The following KLF8 variants were observed in gnomAD, a reference collection of about 807,000 sequenced individuals.
KLF8 encodes Krueppel-like factor 8.
In KLF8, 10 loss-of-function variants were observed where a neutral mutation model predicts 18.2. That is an observed-to-expected ratio of 0.55 (90% CI 0.34 to 0.93). The LOEUF is 0.93. KLF8 is among the 40% of genes least tolerant of loss of function. The probability of loss-of-function intolerance (pLI) is 0.02; values close to 1 mark genes in which losing one functional copy is unlikely to be tolerated. For synonymous variants in KLF8, 109 were observed against 97.3 expected (o/e 1.12, Z -0.71); for missense variants, 264 against 277.9 (o/e 0.95, Z 0.36).
chrX:56,205,441 A>T, the KLF8 span, among the ~76,000 whole-genome samples: 1 of 111,746 alleles, frequency 8.9e-6, no homozygotes, highest in African/African-American at 3.2e-5. Flanking sequence ...TCTATCCTTC[A>T]TTCTGTTGAT....
chrX:55,945,781 T>G, the KLF8 span, among the ~76,000 whole-genome samples: 6 of 110,751 alleles, frequency 5.4e-5, no homozygotes, highest in East Asian at 1.7e-3. Context: ...GATAAACAAC[T>G]TCAGCAAAGT....
the KLF8 span, among the ~76,000 whole-genome samples, chrX:55,918,300 T>C: frequency 8.9e-6 from 1 of 111,952 alleles, no homozygotes; most frequent in African/African-American, 3.3e-5. Context: ...TCTACCTATC[T>C]TGAGACTTTC....
chrX:56,146,141 G>A, the KLF8 span, among the ~76,000 whole-genome samples: 1 of 111,899 alleles, frequency 8.9e-6, no homozygotes, highest in Non-Finnish European at 1.9e-5. Flanking sequence ...AATCATTTTG[G>A]AAGACAGTGT....
At chrX:55,916,820 T>C in the KLF8 span, among the ~76,000 whole-genome samples, 17 of 112,189 alleles carry the variant, frequency 1.5e-4, no homozygotes, top group African/African-American at 5.5e-4. Flanking sequence ...ACTTCTTGTA[T>C]CAATGATTTT....
At chrX:56,108,360 T>C in the KLF8 span, among the ~76,000 whole-genome samples, 2 of 112,037 alleles carry the variant, frequency 1.8e-5, no homozygotes, top group African/African-American at 6.5e-5. Flanking sequence ...CTTTTATCAT[T>C]CTGAGGAATT....
chrX:55,984,107 T>G, the KLF8 span, among the ~76,000 whole-genome samples: 1 of 109,476 alleles, frequency 9.1e-6, no homozygotes, highest in Admixed American at 9.9e-5. Context: ...TTAAGGAATT[T>G]GGATTTGTTT....
the KLF8 span, among the ~76,000 whole-genome samples, chrX:56,181,290 G>C: frequency 9.1e-6 from 1 of 109,759 alleles, no homozygotes; most frequent in East Asian, 2.8e-4. Context: ...TGCAAGCCCT[G>C]CTTTTTTTTG....
the KLF8 span, among the ~76,000 whole-genome samples, chrX:56,170,055 T>G: frequency 1.8e-5 from 2 of 110,904 alleles, no homozygotes; most frequent in South Asian, 3.8e-4. Context: ...TGGTAATCAA[T>G]AGAATTTTTC....
the KLF8 span, among the ~76,000 whole-genome samples, chrX:56,200,394 T>C: frequency 9.1e-6 from 1 of 109,872 alleles, no homozygotes; most frequent in Non-Finnish European, 1.9e-5. Context: ...AAATTAAAAA[T>C]AATATTAAAT....
At chrX:56,090,241 G>C in the KLF8 span, among the ~76,000 whole-genome samples, 1 of 111,988 alleles carries the variant, frequency 8.9e-6, no homozygotes. Context: ...AGAAAGTTTA[G>C]TATATGACAA....
chrX:56,160,835 C>G, the KLF8 span, among the ~76,000 whole-genome samples: 2 of 111,321 alleles, frequency 1.8e-5, no homozygotes, highest in Non-Finnish European at 3.8e-5. Context: ...GGTCTTGACT[C>G]TTTATCCAAT....
the KLF8 span, among the ~76,000 whole-genome samples, chrX:56,106,246 A>T: frequency 2.7e-5 from 3 of 111,127 alleles, no homozygotes; most frequent in African/African-American, 9.8e-5. Flanking sequence ...GTATTTCCTG[A>T]ATTTGAATAT....
At chrX:56,269,130 A>C (rs749034841) in intron 3 of KLF8, 22 of 946,061 alleles carry the variant, frequency 2.3e-5, no homozygotes, top group Non-Finnish European at 2.8e-5. Context: ...GATACCACTC[A>C]TAGTGGTATC....
chrX:56,046,105 G>T, the KLF8 span, among the ~76,000 whole-genome samples: 2 of 111,462 alleles, frequency 1.8e-5, no homozygotes, highest in Admixed American at 9.5e-5. Context: ...TGAGATGATT[G>T]TATGATTTTT....
the KLF8 span, among the ~76,000 whole-genome samples, chrX:56,135,312 C>G: frequency 1.8e-5 from 2 of 111,653 alleles, no homozygotes; most frequent in Non-Finnish European, 3.8e-5. Flanking sequence ...AAATTTCCAA[C>G]AATCATAGAC....
the KLF8 span, among the ~76,000 whole-genome samples, chrX:56,050,117 C>T: frequency 9.1e-6 from 1 of 109,477 alleles, no homozygotes; most frequent in African/African-American, 3.3e-5. Flanking sequence ...GGTGATATCC[C>T]CTTTATCATT....
the KLF8 span, among the ~76,000 whole-genome samples, chrX:56,190,791 C>T: frequency 6.3e-5 from 7 of 111,156 alleles, no homozygotes; most frequent in Non-Finnish European, 7.6e-5. Context: ...ACCCACTATA[C>T]CAAAACCTAT....
chrX:56,162,546 G>A, the KLF8 span, among the ~76,000 whole-genome samples: 2 of 111,708 alleles, frequency 1.8e-5, no homozygotes, highest in East Asian at 2.8e-4. Context: ...GCGAGGCTCT[G>A]TGGGCATGGG....
At chrX:56,141,184 C>T in the KLF8 span, among the ~76,000 whole-genome samples, 3 of 111,588 alleles carry the variant, frequency 2.7e-5, no homozygotes, top group African/African-American at 9.8e-5. Context: ...TCAAGTTGCC[C>T]TTGAACTCCT....
Sources: gnomAD v4.1 joint callset for allele counts (sites outside exome capture counted in the v4.1 genomes callset) on GRCh38, gnomAD v4.1.1 for gene constraint, MANE v1.5 for transcripts, NCBI Gene and HGNC (gene_info 2026-07-23, HGNC 2026-07-21) for gene names.